Variants in PTPRZ1 observed in about 807,000 individuals in gnomAD.
PTPRZ1 encodes the protein receptor-type tyrosine-protein phosphatase zeta.
A neutral mutation model predicts 214.1 loss-of-function variants in PTPRZ1; 82 were observed. The ratio of observed to expected loss-of-function variants is 0.38; its 90% CI spans 0.32 to 0.46. The LOEUF (loss-of-function observed/expected upper bound fraction) is 0.46. Ranked by LOEUF, PTPRZ1 falls within the 20% of genes least tolerant of loss-of-function variation. The probability of loss-of-function intolerance (pLI) is 1.00; values close to 1 mark genes in which losing one functional copy is unlikely to be tolerated. For missense variants in PTPRZ1, 2,603 were observed against 2,748.7 expected, an observed-to-expected ratio of 0.95 and a Z score of 1.19; for synonymous variants, 945 against 987.9, an observed-to-expected ratio of 0.96 and a Z score of 0.81.
intron 1 of PTPRZ1, among the ~76,000 whole-genome samples, chr7:121,902,978 TAAAC>T (rs1795013669): frequency 6.6e-6 from 1 of 151,752 alleles, no homozygotes; most frequent in South Asian, 2.1e-4. Context: ...AAAAAAAAAA[TAAAC>T]AGAGATAACA....
intron 1 of PTPRZ1, among the ~76,000 whole-genome samples, chr7:121,877,219 G>A (rs146602055): frequency 5.9e-5 from 9 of 152,174 alleles, no homozygotes; most frequent in African/African-American, 9.6e-5. Flanking sequence ...GAGGGAACCC[G>A]GCACAGAGAA....
intron 1 of PTPRZ1, among the ~76,000 whole-genome samples, chr7:121,894,813 T>C (rs946165701): frequency 6.6e-6 from 1 of 152,202 alleles, no homozygotes; most frequent in Admixed American, 6.5e-5. Flanking sequence ...TTTCCTTGGA[T>C]TTTGATAGAC....
At position 121,938,572 on chromosome 7, in the gene PTPRZ1, C is replaced by T. The variant is rs995214938; in HGVS notation, c.124+10351C>T. Among the ~76,000 whole-genome samples, 5 of 152,132 alleles carry T rather than the reference C, an allele frequency of 3.3e-5. No homozygotes were observed. In the South Asian group the frequency reaches 1.0e-3, roughly 31 times the overall value. On this transcript the variant is annotated intron_variant, in intron 2 of 29. Transcript: ENST00000393386. ...TGGGAGAGTGGAGCACCATCTTCCTCGATGTTTGCATTTCATAAGGATGGC... is the reference window on the plus strand; with the variant it reads ...TGGGAGAGTGGAGCACCATCTTCCTTGATGTTTGCATTTCATAAGGATGGC...
intron 21 of PTPRZ1, among the ~76,000 whole-genome samples, chr7:122,041,990 C>T (rs1304256662): frequency 1.3e-5 from 2 of 152,168 alleles, no homozygotes; most frequent in Non-Finnish European, 2.9e-5. Flanking sequence ...TCCTACTTGT[C>T]GGAACATTTG....
Position 122,039,435 on chromosome 7 carries a change from T to C in PTPRZ1, c.5503-19T>C, listed in dbSNP as rs770640189. On this transcript the variant is annotated intron_variant, in intron 19 of 29. Transcript: ENST00000393386. ...GAGCATTTGAAATACAGAAGTAACATCTACATTTTCTTTTGCAGAGAAAAT... is the reference window on the plus strand; with the variant it reads ...GAGCATTTGAAATACAGAAGTAACACCTACATTTTCTTTTGCAGAGAAAAT... 4.2e-5 allele frequency: 68 copies of C among 1,606,646 alleles called. No individual in the cohort carries two copies. Among genetic ancestry groups the C allele is most frequent in the Non-Finnish European group, 5.8e-5 (68 of 1,178,154 alleles).
At chr7:122,040,479 G>C (rs1307933149) in intron 20 of PTPRZ1, among the ~76,000 whole-genome samples, 1 of 152,144 alleles carries the variant, frequency 6.6e-6, no homozygotes. Flanking sequence ...GTGGTTGAAT[G>C]GAGCTCACCC....
chr7:121,972,412 C>T (rs972069100), intron 3 of PTPRZ1, 129 bp from the exon 4 acceptor site: 65 of 947,410 alleles, frequency 6.9e-5, no homozygotes, highest in East Asian at 3.3e-4. Context: ...TCCAAAATGG[C>T]GACTTCATAT....
chr7:122,051,277 C>T (rs903410568), intron 23 of PTPRZ1, 151 bp from the exon 24 acceptor site: 1 of 458,132 alleles, frequency 2.2e-6, no homozygotes, highest in East Asian at 3.7e-5. Context: ...AGGTTAAATT[C>T]AAGGAATTGT....
chr7:121,918,871 T>A (rs1795503127), intron 1 of PTPRZ1, among the ~76,000 whole-genome samples: 1 of 152,022 alleles, frequency 6.6e-6, no homozygotes, highest in Non-Finnish European at 1.5e-5. Context: ...TAAATATATT[T>A]GAAAATATAC....
chr7:122,051,162 C>T (rs1464176637), intron 23 of PTPRZ1, among the ~76,000 whole-genome samples: 2 of 152,022 alleles, frequency 1.3e-5, no homozygotes, highest in East Asian at 1.9e-4. Context: ...TAGTGGAAGC[C>T]GTGAGGAAGA....
chr7:121,891,412 G>A (rs1015934753), intron 1 of PTPRZ1, among the ~76,000 whole-genome samples: 2 of 127,202 alleles, frequency 1.6e-5, no homozygotes, highest in Non-Finnish European at 3.2e-5. Flanking sequence ...CCTGGTATAT[G>A]ATAGGTGCTT....
intron 8 of PTPRZ1, among the ~76,000 whole-genome samples, chr7:121,985,189 C>T (rs1797729513): frequency 6.6e-6 from 1 of 151,990 alleles, no homozygotes; most frequent in Non-Finnish European, 1.5e-5. Flanking sequence ...AACTAAATTG[C>T]CCCAAAGTGA....
intron 1 of PTPRZ1, among the ~76,000 whole-genome samples, chr7:121,910,870 C>A (rs1795251720): frequency 6.6e-6 from 1 of 151,918 alleles, no homozygotes. Flanking sequence ...CAGGAAATAC[C>A]TGAAAATAAG....
chr7:122,049,722 A>T, intron 23 of PTPRZ1, among the ~76,000 whole-genome samples: 1 of 152,320 alleles, frequency 6.6e-6, no homozygotes, highest in Middle Eastern at 3.4e-3. Flanking sequence ...CATTGACTAT[A>T]GAAGTCAATG....
chr7:121,902,024 C>G (rs1183803559), intron 1 of PTPRZ1, among the ~76,000 whole-genome samples: 1 of 152,170 alleles, frequency 6.6e-6, no homozygotes, highest in Non-Finnish European at 1.5e-5. Context: ...CCGCTACTCT[C>G]ACCAGCAGGT....
intron 13 of PTPRZ1, among the ~76,000 whole-genome samples, chr7:122,027,644 G>A (rs896412837): frequency 4.6e-5 from 7 of 152,126 alleles, no homozygotes; most frequent in Non-Finnish European, 8.8e-5. Context: ...ACATCAAAGA[G>A]TGTCATTAGC....
chr7:122,035,844 C>T (rs929153198), intron 17 of PTPRZ1, among the ~76,000 whole-genome samples: 7 of 152,324 alleles, frequency 4.6e-5, no homozygotes, highest in East Asian at 3.9e-4. Flanking sequence ...TACTTTATTT[C>T]TCATATGTAT....
At chr7:121,932,121 T>G (rs537262269) in intron 2 of PTPRZ1, among the ~76,000 whole-genome samples, 28 of 152,320 alleles carry the variant, frequency 1.8e-4, no homozygotes, top group African/African-American at 4.8e-4. Context: ...AACCCTTCGT[T>G]TAGCTCAAAA....
At chr7:122,048,881 A>G (rs1792082417) in intron 23 of PTPRZ1, among the ~76,000 whole-genome samples, 1 of 152,150 alleles carries the variant, frequency 6.6e-6, no homozygotes, top group African/African-American at 2.4e-5. Context: ...ATTTTATTGG[A>G]CAAATATAAC....
Sources: gnomAD v4.1 joint callset for allele counts (sites outside exome capture counted in the v4.1 genomes callset) on GRCh38, gnomAD v4.1.1 for gene constraint, MANE v1.5 for transcripts, NCBI Gene and HGNC (gene_info 2026-07-23, HGNC 2026-07-21) for gene names.